Variants in SYNE1 observed in about 807,000 individuals in gnomAD.
SYNE1 encodes nesprin-1.
SYNE1 carries 616 observed loss-of-function variants against 1,111.0 expected under a neutral mutation model. That is an observed-to-expected ratio of 0.55 (90% CI 0.52 to 0.59). SYNE1 has a LOEUF of 0.59. Among genes scored for constraint, SYNE1 ranks in the 20% least tolerant of loss-of-function variants. The probability of loss-of-function intolerance (pLI) is 0.00; values close to 1 mark genes in which losing one functional copy is unlikely to be tolerated. For synonymous variants in SYNE1, 3,855 were observed against 3,825.8 expected (o/e 1.01, Z -0.28); for missense variants, 10,006 against 10,417.0 (o/e 0.96, Z 1.72).
intron 3 of SYNE1, among the ~76,000 whole-genome samples, chr6:152,597,723 G>T (rs1482097767): frequency 2.0e-5 from 3 of 152,098 alleles, no homozygotes; most frequent in African/African-American, 4.8e-5. Flanking sequence ...TTCTTTTGTT[G>T]TAGCTATTAT....
At chr6:152,312,281 C>G (rs968967890) in intron 87 of SYNE1, among the ~76,000 whole-genome samples, 1 of 147,960 alleles carries the variant, frequency 6.8e-6, no homozygotes, top group Non-Finnish European at 1.5e-5. Flanking sequence ...GTGATCTCGG[C>G]TCACTGCAAC....
At chr6:152,146,508 C>T (rs908030466) in intron 137 of SYNE1, 1 of 152,236 alleles carries the variant, frequency 6.6e-6, no homozygotes, top group East Asian at 1.9e-4. Flanking sequence ...TCAACAGTCC[C>T]AACTGGCCAG....
chr6:152,437,391 T>C (rs1389405295), intron 32 of SYNE1, among the ~76,000 whole-genome samples: 1 of 152,198 alleles, frequency 6.6e-6, no homozygotes, highest in Non-Finnish European at 1.5e-5. Context: ...ATGATAATCC[T>C]TTTCTTAGAA....
In SYNE1 at chr6:152,401,151, A is replaced by T; in HGVS notation, c.7016T>A (p.Leu2339Ter). The change falls in exon 47 of 146, where the codon TTG becomes TAG. Residue 2339 changes from leucine (L) to a stop codon, truncating the protein, a stop_gained. Coordinates refer to ENST00000367255, the MANE Select transcript of SYNE1 (RefSeq NM_182961.4). LOFTEE classifies it high-confidence loss of function. ...NCAQNETCEA[L>*]KKVKDIQKEL... ...TTTATTACCTACCTTGACTTTTTTC[A>T]ATGCTTCACAAGTCTCATTTTGGGC... is the stretch of plus-strand genomic sequence containing the variant. 3 of 1,614,038 alleles carry T rather than the reference A, an allele frequency of 1.9e-6. No homozygotes were observed. Among genetic ancestry groups the T allele is most frequent in the Non-Finnish European group, 2.5e-6 (3 of 1,179,996 alleles).
chr6:152,502,966 G>A (rs373791959), intron 9 of SYNE1, among the ~76,000 whole-genome samples: 6 of 152,164 alleles, frequency 3.9e-5, no homozygotes, highest in Non-Finnish European at 5.9e-5. Context: ...AACAAACAGC[G>A]TTTAAGAAAG....
chr6:152,176,284 A>G, intron 130 of SYNE1, 110 bp downstream of exon 130: 1 of 1,480,664 alleles, frequency 6.8e-7, no homozygotes, highest in Non-Finnish European at 9.4e-7. Flanking sequence ...ATGGTGAGAT[A>G]ACCCAGGAAG....
intron 138 of SYNE1, among the ~76,000 whole-genome samples, chr6:152,142,335 G>A (rs1009070437): frequency 1.3e-5 from 2 of 152,118 alleles, no homozygotes; most frequent in Non-Finnish European, 2.9e-5. Context: ...AAATTGAAAT[G>A]TGGGAACGTT....
intron 67 of SYNE1, among the ~76,000 whole-genome samples, chr6:152,354,176 A>C (rs761829417): frequency 2.0e-5 from 3 of 152,190 alleles, no homozygotes; most frequent in Non-Finnish European, 2.9e-5. Context: ...CATGAAAACA[A>C]AGTGGCATAA....
chr6:152,132,005 G>A lies in SYNE1; in HGVS notation c.26094+117C>T, dbSNP rs2055853803. On this transcript the variant is annotated intron_variant, in intron 144 of 145. Transcript: ENST00000367255. Reference sequence around the variant, plus strand: ...GGGCTGAGGAAGCGCGCTACCCTGTGTGACAGCCCTCCTCTGGAGGGGACG... The same window carrying A: ...GGGCTGAGGAAGCGCGCTACCCTGTATGACAGCCCTCCTCTGGAGGGGACG... 9.1e-6 allele frequency: 8 copies of A among 881,282 alleles called. No individual in the cohort carries two copies. In the East Asian group the frequency reaches 1.7e-4, roughly 19 times the overall value. 54.6% of individuals were successfully genotyped at this position (881,282 alleles called of 1,614,324 possible). A position where few individuals can be genotyped will look rare whatever the true frequency, so the allele number is the denominator to read the frequency against.
chr6:152,160,836 G>T (rs1261111339), intron 131 of SYNE1, among the ~76,000 whole-genome samples: 2 of 151,978 alleles, frequency 1.3e-5, no homozygotes, highest in Non-Finnish European at 2.9e-5. Flanking sequence ...CTTATCCCTT[G>T]TGTTTTGCAG....
intron 59 of SYNE1, among the ~76,000 whole-genome samples, chr6:152,371,885 A>C (rs57786671): frequency 3.1e-4 from 25 of 80,156 alleles, no homozygotes; most frequent in African/African-American, 1.0e-3. Flanking sequence ...AAGGAAAGGA[A>C]AGGAAAGGAA....
chr6:152,419,928 T>A lies in SYNE1; in HGVS notation c.5268-206A>T, dbSNP rs77675469. Reference sequence around the variant, plus strand: ...GTGAACATTGCCACCATTCACCCTGTTGGTCCTATGAGGCACTCTTCATCT... The same window carrying A: ...GTGAACATTGCCACCATTCACCCTGATGGTCCTATGAGGCACTCTTCATCT... On this transcript the variant is annotated intron_variant, in intron 39 of 145. Coordinates refer to ENST00000367255, the MANE Select transcript of SYNE1 (RefSeq NM_182961.4). Among the ~76,000 whole-genome samples the A allele has an allele frequency of 0.029, 4,423 of 152,304 alleles. 91 individuals are homozygous for A. Among genetic ancestry groups the A allele is most frequent in the African/African-American group, 0.049 (2,040 of 41,562 alleles).
rs2097562099 is a variant in SYNE1 at position 152,388,815 on chromosome 6, A to T, written c.8178-1434T>A. ...CTGAAATAGTGGAGTCAAGGACCAG[A>T]GTCTGCTTCCTGCATGTAACATCTT... is the stretch of plus-strand genomic sequence containing the variant. On this transcript the variant is annotated intron_variant, in intron 53 of 145. Transcript: ENST00000367255. Among the ~76,000 whole-genome samples the T allele has an allele frequency of 3.3e-5, 5 of 152,374 alleles. No homozygotes were observed. In the South Asian group the frequency reaches 1.0e-3, roughly 32 times the overall value.
At chr6:152,520,026 T>A (rs2099131207) in intron 6 of SYNE1, among the ~76,000 whole-genome samples, 1 of 152,020 alleles carries the variant, frequency 6.6e-6, no homozygotes, top group South Asian at 2.1e-4. Flanking sequence ...TTATCAAAAG[T>A]GTCAAGGTCA....
At chr6:152,208,604 T>C (rs1587848325) in intron 124 of SYNE1, among the ~76,000 whole-genome samples, 1 of 152,200 alleles carries the variant, frequency 6.6e-6, no homozygotes, top group Non-Finnish European at 1.5e-5. Flanking sequence ...TGGGACACAC[T>C]GCAGGAAAAT....
chr6:152,333,930 G>A, intron 77 of SYNE1, 78 bp downstream of exon 77: 1 of 1,595,552 alleles, frequency 6.3e-7, no homozygotes, highest in Non-Finnish European at 8.6e-7. Flanking sequence ...ACTGCACCTG[G>A]GCACATTTTA....
chr6:152,165,523 G>A (rs944871482), intron 130 of SYNE1, among the ~76,000 whole-genome samples: 1 of 151,990 alleles, frequency 6.6e-6, no homozygotes, highest in Non-Finnish European at 1.5e-5. Flanking sequence ...TTTTCAGTTT[G>A]TAAAAACCCT....
chr6:152,220,285 GT>G (rs1448371985), intron 119 of SYNE1, among the ~76,000 whole-genome samples: 1 of 152,158 alleles, frequency 6.6e-6, no homozygotes, highest in East Asian at 1.9e-4. Context: ...TAAGAGCCAT[GT>G]AATGCTTGAA....
intron 114 of SYNE1, 105 bp downstream of exon 114, chr6:152,231,286 T>C (rs2082697165): frequency 6.5e-6 from 8 of 1,239,262 alleles, no homozygotes; most frequent in Non-Finnish European, 8.3e-6. Flanking sequence ...GAAGCGTTCT[T>C]TGCCCAGTAT....
Sources: gnomAD v4.1 joint callset for allele counts (sites outside exome capture counted in the v4.1 genomes callset) on GRCh38, gnomAD v4.1.1 for gene constraint, MANE v1.5 for transcripts, NCBI Gene and HGNC (gene_info 2026-07-23, HGNC 2026-07-21) for gene names.